The following PCARE variants were observed in gnomAD, a reference collection of about 807,000 sequenced individuals.
PCARE encodes the protein uncharacterized protein C2orf71.
PCARE carries 72 observed loss-of-function variants against 82.2 expected under a neutral mutation model. The observed-to-expected ratio is 0.88, with a 90% CI of 0.72 to 1.07. The LOEUF is 1.07. PCARE is among the 50% of genes least tolerant of loss of function. The probability of loss-of-function intolerance (pLI) is 0.00; values close to 1 mark genes in which losing one functional copy is unlikely to be tolerated. For missense variants in PCARE, 1,768 were observed against 1,592.4 expected (o/e 1.11, Z -1.88); for synonymous variants, 705 against 634.8 (o/e 1.11, Z -1.66).
intron 1 of PCARE, 97 bp downstream of exon 1, chr2:29,070,497 T>G (rs1324046956): frequency 2.6e-6 from 4 of 1,540,876 alleles, no homozygotes; most frequent in Non-Finnish European, 3.6e-6. Flanking sequence ...GAGCACAGTT[T>G]GAAAACTACT....
chr2:29,072,787 T>C lies in PCARE; in HGVS notation c.1475A>G (p.Glu492Gly), dbSNP rs771975495. The C allele has an allele frequency of 2.5e-6, 4 of 1,613,884 alleles. No individual in the cohort carries two copies. Among genetic ancestry groups the C allele is most frequent in the Non-Finnish European group, 8.5e-7 (1 of 1,180,014 alleles). Residue 492 changes from glutamate to glycine, a missense_variant, in exon 1 of 2, where the codon GAG becomes GGG. Glu to Gly is a moderately conservative substitution (Grantham distance 98, BLOSUM62 -2). Transcript: ENST00000331664. ...CATGCTGCTCATTTTGTCTTCCTCC[T>C]CCTCCTCTGGGCTGCTGTCCTCGCT... ...SDSEDSSPEE[E>G]EEDKMSSMSL... is the part of the protein sequence containing the mutation.
rs771588718 is a variant in PCARE at position 29,064,897 on chromosome 2, G to T, written c.3839C>A (p.Ala1280Glu). Reference protein sequence around the residue: ...GHIQDKSQPEAQPQQEEVS With the variant: ...GHIQDKSQPEEQPQQEEVS ...GGACACCTCCTCTTGCTGGGGCTGC[G>T]CCTCTGGCTGGGATTTGTCCTGGAT... is the stretch of plus-strand genomic sequence containing the variant. Residue 1280 changes from alanine (A) to glutamate (E), a missense_variant, in exon 2 of 2, where the codon GCG becomes GAG. Physicochemically the swap from Ala to Glu is moderately radical, Grantham distance 107. Transcript: ENST00000331664. 1.9e-6 allele frequency: 3 copies of T among 1,611,786 alleles called. No homozygotes were observed. The highest frequency in any genetic ancestry group is 2.2e-4 in the Middle Eastern group (1 of 4,620).
In PCARE at chr2:29,062,162, G is replaced by A. The variant is rs899403700; in HGVS notation, c.*2707C>T. 6.6e-6 allele frequency: 1 copy of A among 152,234 alleles called. No individual in the cohort carries two copies. Among genetic ancestry groups the A allele is most frequent in the Non-Finnish European group, 1.5e-5 (1 of 68,074 alleles). 9.4% of individuals were successfully genotyped at this position (152,234 alleles called of 1,614,324 possible). A position where few individuals can be genotyped will look rare whatever the true frequency, so the allele number is the denominator to read the frequency against. On this transcript the variant is annotated 3_prime_UTR_variant, in exon 2 of 2. Transcript: ENST00000331664. ...TTGGCAACCCCTCCCCATCTTCCCT[G>A]GAGTGGGGGAAGCTGACTTGGAATT...
chr2:29,064,732 A>G lies in PCARE; in HGVS notation c.*137T>C. 5 of 1,100,756 alleles carry G rather than the reference A, an allele frequency of 4.5e-6. No individual in the cohort carries two copies. The highest frequency in any genetic ancestry group is 6.6e-6 in the Non-Finnish European group (5 of 753,586). 68.2% of individuals were successfully genotyped at this position (1,100,756 alleles called of 1,614,324 possible). On this transcript the variant is annotated 3_prime_UTR_variant, in exon 2 of 2. Transcript: ENST00000331664. The stretch of plus-strand genomic sequence containing the variant: ...TTAAAATTCAGCAGACCCACTGGGC[A>G]GTGCACCTTCCAGGCCTTTCCAGGA...
At chr2:29,069,902 A>C (rs1241416270) in intron 1 of PCARE, among the ~76,000 whole-genome samples, 1 of 152,136 alleles carries the variant, frequency 6.6e-6, no homozygotes, top group East Asian at 1.9e-4. Context: ...GGGACCAAAT[A>C]GCTTGAGAAC....
chr2:29,064,326 G>A lies in PCARE; in HGVS notation c.*543C>T, dbSNP rs10495767. 0.16 allele frequency: 27,508 copies of A among 168,284 alleles called. 2,739 individuals carry two copies. The highest frequency in any genetic ancestry group is 0.3 in the Middle Eastern group (94 of 318). 10.4% of individuals were successfully genotyped at this position (168,284 alleles called of 1,614,324 possible). On this transcript the variant is annotated 3_prime_UTR_variant, in exon 2 of 2. Transcript: ENST00000331664. ...CAGGTGGAGTGACGCAATAGTTACG[G>A]GCAATGGAATGTAATAAAAAGAGCA...
At chr2:29,069,425 T>C (rs1411469532) in intron 1 of PCARE, among the ~76,000 whole-genome samples, 2 of 152,218 alleles carry the variant, frequency 1.3e-5, no homozygotes, top group Admixed American at 1.3e-4. Flanking sequence ...GGCCATTAAT[T>C]ATCCTTAGCA....
rs780001544 is a variant in PCARE at position 29,073,508 on chromosome 2, C to G, written c.754G>C (p.Ala252Pro). ...GGCTCTCTTTTCTTCAAAGGCCAAG[C>G]CAGATCCTCCCTGACTTCCTGCAGG... ...VLLQEVREDLAWPLKKREPQE... is the reference protein window; with the variant it reads ...VLLQEVREDLPWPLKKREPQE... Residue 252 changes from alanine (A) to proline (P), a missense_variant, in exon 1 of 2, where the codon GCT becomes CCT. Physicochemically the swap from Ala to Pro is conservative, Grantham distance 27 (BLOSUM62 -1). Transcript: ENST00000331664. 8 of 1,614,148 alleles carry G rather than the reference C, an allele frequency of 5.0e-6. No individual in the cohort carries two copies. The South Asian group carries it at 6.6e-5, about 13-fold the overall frequency.
Position 29,072,600 on chromosome 2 carries a change from A to T in PCARE, c.1662T>A (p.Phe554Leu). The T allele has an allele frequency of 6.2e-7, 1 of 1,614,160 alleles. No individual in the cohort carries two copies. The highest frequency in any genetic ancestry group is 2.2e-5 in the East Asian group (1 of 44,876). Reference sequence around the variant, plus strand: ...CCTGGTGCCCACAGGGCACAGGGACAAACTTGATCCTTTCGCTGATTGACT... The same window carrying T: ...CCTGGTGCCCACAGGGCACAGGGACTAACTTGATCCTTTCGCTGATTGACT... ...MKESISERIKFVPVPCGHQDW... is the reference protein window; with the variant it reads ...MKESISERIKLVPVPCGHQDW... Residue 554 changes from phenylalanine (F) to leucine (L), a missense_variant, in exon 1 of 2, where the codon TTT becomes TTA. Physicochemically the swap from Phe to Leu is conservative, Grantham distance 22. Coordinates refer to ENST00000331664, the MANE Select transcript of PCARE (RefSeq NM_001029883.3).
At chr2:29,065,541 C>T (rs906358845) in intron 1 of PCARE, among the ~76,000 whole-genome samples, 6 of 152,272 alleles carry the variant, frequency 3.9e-5, no homozygotes, top group African/African-American at 1.4e-4. Context: ...GCAGGCCCCG[C>T]ATTTGGCTGG....
At chr2:29,070,058 G>A (rs1667445405) in intron 1 of PCARE, among the ~76,000 whole-genome samples, 1 of 152,142 alleles carries the variant, frequency 6.6e-6, no homozygotes. Context: ...GGTGTGTGGG[G>A]TTGAACTAAC....
Position 29,063,328 on chromosome 2 carries a change from G to A in PCARE, c.*1541C>T, listed in dbSNP as rs551450504. 2 of 152,446 alleles carry A rather than the reference G, an allele frequency of 1.3e-5. No individual in the cohort carries two copies. Among genetic ancestry groups the A allele is most frequent in the South Asian group, 4.1e-4 (2 of 4,822 alleles). 9.4% of individuals were successfully genotyped at this position (152,446 alleles called of 1,614,324 possible). A position where few individuals can be genotyped will look rare whatever the true frequency, so the allele number is the denominator to read the frequency against. On this transcript the variant is annotated 3_prime_UTR_variant, in exon 2 of 2. Coordinates refer to ENST00000331664, the MANE Select transcript of PCARE (RefSeq NM_001029883.3). ...GATGAGGGCGGCAACAGGAGCAAAT[G>A]CGAGCAGACAGCTGGGTGTGTCCCT...
In PCARE at chr2:29,071,331, C is replaced by G. The variant is rs546091233; in HGVS notation, c.2931G>C (p.Leu977=). 9.3e-6 allele frequency: 15 copies of G among 1,613,574 alleles called. No homozygotes were observed. The African/African-American group carries it at 1.1e-4, about 11-fold the overall frequency. Reference sequence around the variant, plus strand: ...TCTCTCGGCTCTGCCTTGGTCTGGCCAGGCTGGACTCTGAGGTCCTGTTTT... The same window carrying G: ...TCTCTCGGCTCTGCCTTGGTCTGGCGAGGCTGGACTCTGAGGTCCTGTTTT... ...SGQNRTSESS[L]ARPRQSRERS... The change falls in exon 1 of 2, where the codon CTG becomes CTC. Residue 977 remains leucine, a synonymous_variant. Transcript: ENST00000331664.
rs1446704009 is a variant in PCARE, at chr2:29,073,809, A to G, written c.453T>C (p.Cys151=). 1 of 1,614,002 alleles carries G rather than the reference A, an allele frequency of 6.2e-7. No homozygotes were observed. The highest frequency in any genetic ancestry group is 1.3e-5 in the African/African-American group (1 of 74,910). ...AGTGGCTCTGTGTGCTTGACGTGTG[A>G]CATTTTGCTGTCCTTTTCCATTTGG... The part of the protein sequence containing the change: ...DTSKWKRTAK[C]HTSSTQSHCY... The change falls in exon 1 of 2, where the codon TGT becomes TGC. Residue 151 remains cysteine, a synonymous_variant. Transcript: ENST00000331664.
At chr2:29,065,382 TG>T (rs1407479893) in intron 1 of PCARE, among the ~76,000 whole-genome samples, 2 of 152,270 alleles carry the variant, frequency 1.3e-5, no homozygotes, top group East Asian at 3.8e-4. Flanking sequence ...GCCTTTATTT[TG>T]TTTTTGTTTT....
chr2:29,071,273 T>A lies in PCARE; in HGVS notation c.2989A>T (p.Thr997Ser). 1 of 1,613,506 alleles carries A rather than the reference T, an allele frequency of 6.2e-7. No individual in the cohort carries two copies. Among genetic ancestry groups the A allele is most frequent in the Non-Finnish European group, 8.5e-7 (1 of 1,179,918 alleles). The part of the protein sequence containing the change: ...SPPVGRKASP[T>S]RTHWVPQADK... ...GCTTGAGGCACCCAGTGTGTCCTCGTGGGAGAGGCCTTTCTGCCCACAGGG... is the reference window on the plus strand; with the variant it reads ...GCTTGAGGCACCCAGTGTGTCCTCGAGGGAGAGGCCTTTCTGCCCACAGGG... The change falls in exon 1 of 2, where the codon ACG (threonine) becomes TCG (serine). Residue 997 changes from threonine (T) to serine (S), a missense_variant. Transcript: ENST00000331664.
Position 29,070,758 on chromosome 2 carries a change from C to T in PCARE, c.3504G>A (p.Gly1168=), listed in dbSNP as rs1667459566. 1 of 1,614,178 alleles carries T rather than the reference C, an allele frequency of 6.2e-7. No individual in the cohort carries two copies. The highest frequency in any genetic ancestry group is 2.2e-5 in the East Asian group (1 of 44,872). Residue 1168 remains glycine, a synonymous_variant, in exon 1 of 2, where the codon GGG becomes GGA. Transcript: ENST00000331664. The part of the protein sequence containing the change: ...NPAECWKNSS[G]PWLRADSQRR... Reference sequence around the variant, plus strand: ...GCTGCGAGTCTGCTCTCAGCCAAGGCCCTGAGCTGTTCTTCCAGCATTCTG... The same window carrying T: ...GCTGCGAGTCTGCTCTCAGCCAAGGTCCTGAGCTGTTCTTCCAGCATTCTG...
rs1667327086 is a variant in PCARE at position 29,062,615 on chromosome 2, G to A, written c.*2254C>T. ...CCTTCTGTGGTGGAATAATCTGCCTGGCTCCCTGCTGCCGCTAGCTTGCAT... is the reference window on the plus strand; with the variant it reads ...CCTTCTGTGGTGGAATAATCTGCCTAGCTCCCTGCTGCCGCTAGCTTGCAT... On this transcript the variant is annotated 3_prime_UTR_variant, in exon 2 of 2. Coordinates refer to ENST00000331664, the MANE Select transcript of PCARE (RefSeq NM_001029883.3). 6.6e-6 allele frequency: 1 copy of A among 152,258 alleles called. No homozygotes were observed. The highest frequency in any genetic ancestry group is 1.5e-5 in the Non-Finnish European group (1 of 68,104). 9.4% of individuals were successfully genotyped at this position (152,258 alleles called of 1,614,324 possible).
Position 29,072,737 on chromosome 2 carries a change from T to C in PCARE, c.1525A>G (p.Thr509Ala), listed in dbSNP as rs144622269. The C allele has an allele frequency of 1.5e-5, 24 of 1,611,514 alleles. No homozygotes were observed. The African/African-American group carries it at 3.0e-4, about 20-fold the overall frequency. Residue 509 changes from threonine (T) to alanine (A), a missense_variant, in exon 1 of 2, where the codon ACT becomes GCT. Thr to Ala is a moderately conservative substitution (Grantham distance 58). Coordinates refer to ENST00000331664, the MANE Select transcript of PCARE (RefSeq NM_001029883.3). ...GAAGATTGTGGCCTTGAATGTGGAG[T>C]TTTTTCCTGCCAGGCACACAGACTC... ...SMSLCAWQEK[T>A]PHSRPQSSPA...
Sources: allele counts gnomAD v4.1 joint callset (sites outside exome capture counted in the v4.1 genomes callset), GRCh38; gene constraint gnomAD v4.1.1; transcripts MANE v1.5; gene names NCBI Gene and HGNC (gene_info 2026-07-23, HGNC 2026-07-21).